KIAA1217: variants seen among roughly 807,000 people sequenced by gnomAD.
KIAA1217 encodes sickle tail protein homolog.
In KIAA1217, 88 loss-of-function variants were observed where a neutral mutation model predicts 163.9. The observed-to-expected ratio is 0.54, with a 90% CI of 0.45 to 0.64. KIAA1217 has a LOEUF of 0.64. KIAA1217 is among the 30% of genes least tolerant of loss of function. The probability of loss-of-function intolerance (pLI) is 0.00; values close to 1 mark genes in which losing one functional copy is unlikely to be tolerated. For missense variants in KIAA1217, 2,372 were observed against 2,475.0 expected, an observed-to-expected ratio of 0.96 and a Z score of 0.88; for synonymous variants, 903 against 923.1, an observed-to-expected ratio of 0.98 and a Z score of 0.39.
chr10:24,035,011 T>C (rs1361425212), intron 2 of KIAA1217, among the ~76,000 whole-genome samples: 9 of 152,238 alleles, frequency 5.9e-5, no homozygotes, highest in Admixed American at 5.9e-4. Context: ...CCGCTGTGAC[T>C]GAACAGCCAG....
intron 5 of KIAA1217, among the ~76,000 whole-genome samples, chr10:24,457,344 T>TTGTGTGTGTGTGTGTGTGTGTGTGTGTG (rs376333005): frequency 7.6e-6 from 1 of 130,732 alleles, no homozygotes; most frequent in African/African-American, 2.6e-5. Flanking sequence ...GTTTTTTGTT[T>TTGTGTGTGTGTGTGTGTGTGTGTGTGTG]TGTGTGTGTG....
At chr10:23,902,225 T>A (rs955195140) in intron 1 of KIAA1217, among the ~76,000 whole-genome samples, 2 of 152,038 alleles carry the variant, frequency 1.3e-5, no homozygotes, top group Non-Finnish European at 2.9e-5. Context: ...TGCAGGAAAA[T>A]GGATGGTGCT....
At chr10:24,060,129 C>T (rs1272253443) in intron 2 of KIAA1217, among the ~76,000 whole-genome samples, 1 of 151,852 alleles carries the variant, frequency 6.6e-6, no homozygotes, top group Non-Finnish European at 1.5e-5. Context: ...GCTTCGAAAA[C>T]TAATTCTTAA....
At chr10:24,458,240 G>A (rs1230430180) in intron 5 of KIAA1217, among the ~76,000 whole-genome samples, 1 of 152,220 alleles carries the variant, frequency 6.6e-6, no homozygotes, top group Non-Finnish European at 1.5e-5. Flanking sequence ...AGATTTCCAA[G>A]CCATGCTCCC....
At chr10:24,384,775 A>C (rs1369259256) in intron 3 of KIAA1217, among the ~76,000 whole-genome samples, 1 of 152,172 alleles carries the variant, frequency 6.6e-6, no homozygotes, top group East Asian at 1.9e-4. Flanking sequence ...TGACCTCGTG[A>C]TCCGCCTGCC....
At chr10:24,325,036 GTTGCCACCTTCTCTAC>G (rs1390014517) in intron 2 of KIAA1217, among the ~76,000 whole-genome samples, 1 of 152,122 alleles carries the variant, frequency 6.6e-6, no homozygotes, top group Non-Finnish European at 1.5e-5. Context: ...GTGCCGGTCA[GTTGCCACCTTCTCTAC>G]TTGAAATAAT....
intron 1 of KIAA1217, among the ~76,000 whole-genome samples, chr10:23,817,254 A>G (rs187987228): frequency 4.6e-4 from 70 of 152,338 alleles, no homozygotes; most frequent in African/African-American, 1.6e-3. Context: ...CAGTTGCGAC[A>G]GTAGGATAAG....
At chr10:23,721,146 C>T (rs1383751216) in intron 1 of KIAA1217, among the ~76,000 whole-genome samples, 1 of 152,120 alleles carries the variant, frequency 6.6e-6, no homozygotes, top group Non-Finnish European at 1.5e-5. Flanking sequence ...GGAAATTAGC[C>T]AGTTTCCCTG....
intron 1 of KIAA1217, among the ~76,000 whole-genome samples, chr10:23,744,859 C>T (rs1166208085): frequency 1.3e-5 from 2 of 152,124 alleles, no homozygotes; most frequent in East Asian, 3.8e-4. Flanking sequence ...GGTTGAAGGC[C>T]AGCTGCTTGC....
intron 1 of KIAA1217, among the ~76,000 whole-genome samples, chr10:23,720,799 A>G (rs1381980666): frequency 6.6e-6 from 1 of 152,202 alleles, no homozygotes; most frequent in African/African-American, 2.4e-5. Flanking sequence ...AATTTTATCG[A>G]TAAAAATTCA....
At position 24,462,126 on chromosome 10, in the gene KIAA1217, TATA is replaced by T. The variant is rs574572889; in HGVS notation, c.847-11098_847-11096del. 2.6e-3 allele frequency among the ~76,000 whole-genome samples: 391 copies of T among 151,878 alleles called. 3 individuals carry two copies. The highest frequency in any genetic ancestry group is 3.9e-3 in the Non-Finnish European group (268 of 67,972). ...GATATCCATATAGTACTGAGTGATGTATAATATCGATAGGTATATATAAGTATA... is the reference window on the plus strand; with the variant it reads ...GATATCCATATAGTACTGAGTGATGTATATCGATAGGTATATATAAGTATA... On this transcript the variant is annotated intron_variant, in intron 5 of 20. Transcript: ENST00000376454.
At chr10:24,326,638 T>A (rs1286769909) in intron 2 of KIAA1217, among the ~76,000 whole-genome samples, 1 of 152,224 alleles carries the variant, frequency 6.6e-6, no homozygotes, top group Non-Finnish European at 1.5e-5. Flanking sequence ...AGTCATATAT[T>A]ATCTGAAAAA....
rs545423153 is a variant in KIAA1217 at position 23,856,493 on chromosome 10, G to T, written c.-320-150732G>T. On this transcript the variant is annotated intron_variant, in intron 1 of 18. Coordinates refer to the KIAA1217 transcript ENST00000376462. ...GACCCACTTGAGGAGGCAGTCTGCC[G>T]GTTCTCAGATCTCCAGCTGCGTGCT... Among the ~76,000 whole-genome samples, 208 of 152,272 alleles carry T rather than the reference G, an allele frequency of 1.4e-3. 1 individual carries two copies. The highest frequency in any genetic ancestry group is 2.7e-3 in the Admixed American group (42 of 15,300).
intron 3 of KIAA1217, among the ~76,000 whole-genome samples, chr10:24,397,542 T>G (rs903172150): frequency 1.3e-5 from 2 of 152,164 alleles, no homozygotes; most frequent in Non-Finnish European, 2.9e-5. Flanking sequence ...ACCTACATAC[T>G]TAACCACTAC....
intron 3 of KIAA1217, among the ~76,000 whole-genome samples, chr10:24,387,296 A>G (rs531282651): frequency 3.9e-5 from 6 of 152,332 alleles, no homozygotes; most frequent in African/African-American, 1.4e-4. Flanking sequence ...AGAACCAAAG[A>G]CAAAAACCAC....
At chr10:23,979,903 C>T (rs148835398) in intron 1 of KIAA1217, among the ~76,000 whole-genome samples, 222 of 152,148 alleles carry the variant, frequency 1.5e-3, no homozygotes, top group African/African-American at 5.0e-3. Context: ...TTTTGCTCTG[C>T]TTCCTGGAAG....
At chr10:24,033,899 A>C (rs1016263904) in intron 2 of KIAA1217, among the ~76,000 whole-genome samples, 3 of 152,246 alleles carry the variant, frequency 2.0e-5, no homozygotes, top group African/African-American at 7.2e-5. Context: ...GAGGCCATAC[A>C]GTTCAAAAAG....
At position 23,907,190 on chromosome 10, in the gene KIAA1217, A is replaced by G. The variant is rs1274350093; in HGVS notation, c.-320-100035A>G. Among the ~76,000 whole-genome samples the G allele has an allele frequency of 3.3e-5, 5 of 151,430 alleles. No homozygotes were observed. In the East Asian group the frequency reaches 9.7e-4, roughly 29 times the overall value. ...TTCAACAAATAGGCTGCATCTTTTC[A>G]CCCTCCTTTCTTTTGTCTTTACCTC... On this transcript the variant is annotated intron_variant, in intron 1 of 18. Transcript: ENST00000376462.
intron 2 of KIAA1217, among the ~76,000 whole-genome samples, chr10:24,233,797 T>C (rs925691912): frequency 6.6e-6 from 1 of 152,172 alleles, no homozygotes; most frequent in African/African-American, 2.4e-5. Context: ...TTGTTGATTG[T>C]ATTATTCATT....
Sources: allele counts gnomAD v4.1 joint callset (sites outside exome capture counted in the v4.1 genomes callset), GRCh38; gene constraint gnomAD v4.1.1; transcripts MANE v1.5; gene names NCBI Gene and HGNC (gene_info 2026-07-23, HGNC 2026-07-21).